The following NKAIN1 variants were observed in gnomAD, a reference collection of about 807,000 sequenced individuals.
NKAIN1 encodes sodium/potassium transporting ATPase interacting 1.
A neutral mutation model predicts 31.6 loss-of-function variants in NKAIN1; 13 were observed. That is an observed-to-expected ratio of 0.41 (90% CI 0.27 to 0.65). The LOEUF is 0.65. NKAIN1 is among the 30% of genes least tolerant of loss of function. NKAIN1 has a pLI of 0.30. For missense variants in NKAIN1, 193 were observed against 262.2 expected, an observed-to-expected ratio of 0.74 and a Z score of 1.82; for synonymous variants, 104 against 109.0, an observed-to-expected ratio of 0.95 and a Z score of 0.28.
chr1:31,201,076 C>T (rs1434929067), intron 1 of NKAIN1, among the ~76,000 whole-genome samples: 1 of 152,006 alleles, frequency 6.6e-6, no homozygotes, highest in East Asian at 1.9e-4. Flanking sequence ...GAGGCGAAGG[C>T]GGGTGGATCA....
chr1:31,201,339 C>T (rs1645377935), intron 1 of NKAIN1, among the ~76,000 whole-genome samples: 1 of 150,306 alleles, frequency 6.7e-6, no homozygotes, highest in Admixed American at 6.9e-5. Context: ...ATGCTCATGT[C>T]ACACCTTTTA....
chr1:31,212,636 C>G (rs1645479322), intron 1 of NKAIN1, among the ~76,000 whole-genome samples: 3 of 152,064 alleles, frequency 2.0e-5, no homozygotes, highest in Admixed American at 2.0e-4. Flanking sequence ...AACTCCTGAG[C>G]TCAAGCAATC....
chr1:31,200,910 T>G (rs1356891441), intron 1 of NKAIN1, among the ~76,000 whole-genome samples: 2 of 151,906 alleles, frequency 1.3e-5, no homozygotes, highest in African/African-American at 4.8e-5. Context: ...CTCAGCTCAC[T>G]GCAACCTCCG....
chr1:31,187,868 C>A (rs1270116570), intron 2 of NKAIN1, among the ~76,000 whole-genome samples, 182 bp downstream of exon 2: 1 of 151,302 alleles, frequency 6.6e-6, no homozygotes, highest in Non-Finnish European at 1.5e-5. Flanking sequence ...AAAAAAAAAA[C>A]CCTTGTCTCC....
intron 1 of NKAIN1, among the ~76,000 whole-genome samples, chr1:31,212,838 A>AT (rs1645481080): frequency 6.6e-6 from 1 of 152,026 alleles, no homozygotes; most frequent in Admixed American, 6.5e-5. Context: ...TCTACTAAAA[A>AT]TACAAAAAGT....
intron 1 of NKAIN1, among the ~76,000 whole-genome samples, chr1:31,190,218 C>T (rs1274895294): frequency 6.6e-6 from 1 of 152,172 alleles, no homozygotes; most frequent in Admixed American, 6.5e-5. Context: ...GATGGCAAGG[C>T]TTGGGCAGAG....
chr1:31,211,281 C>A (rs1352294435), intron 1 of NKAIN1, among the ~76,000 whole-genome samples: 7 of 152,172 alleles, frequency 4.6e-5, no homozygotes, highest in African/African-American at 1.7e-4. Flanking sequence ...CAAAAAACAA[C>A]TAGAGCTACT....
chr1:31,181,492 T>C lies in NKAIN1; in HGVS notation c.*211A>G. ...CCCCTCCCCCGCCCCGCCCCACTCC[T>C]CCGAAGTCCGGGCTGCGAAGAGCCA... is the stretch of plus-strand genomic sequence containing the variant. On this transcript the variant is annotated 3_prime_UTR_variant, in exon 7 of 7. Transcript: ENST00000373736. 3.2e-6 allele frequency: 1 copy of C among 315,774 alleles called. No individual in the cohort carries two copies. 19.6% of individuals were successfully genotyped at this position (315,774 alleles called of 1,614,324 possible). A position where few individuals can be genotyped will look rare whatever the true frequency, so the allele number is the denominator to read the frequency against.
intron 1 of NKAIN1, among the ~76,000 whole-genome samples, chr1:31,193,188 C>A (rs1366521010): frequency 1.3e-5 from 2 of 151,680 alleles, no homozygotes; most frequent in Non-Finnish European, 2.9e-5. Flanking sequence ...CCTGCCTCAG[C>A]CTCCCAAGTA....
At chr1:31,188,407 C>A in intron 1 of NKAIN1, 1 of 526,922 alleles carries the variant, frequency 1.9e-6, no homozygotes, top group South Asian at 2.6e-5. Context: ...GGGTTCAGAA[C>A]ACCTTCCTCC....
rs1211572307 is a variant in NKAIN1, at chr1:31,239,329, C to G, written c.54+165G>C. On this transcript the variant is annotated intron_variant, in intron 1 of 6. Transcript: ENST00000373736. This position sits in a 1 kb window ranked among gnomAD's most constrained non-coding sequence, Gnocchi z 4.8. ...GCACACAAAGAGACAGCCCGGCCAG[C>G]GGGAGCAGGCTCCGCCCGACCGCTC... Among the ~76,000 whole-genome samples, 1 of 152,036 alleles carries G rather than the reference C, an allele frequency of 6.6e-6. No individual in the cohort carries two copies. The highest frequency in any genetic ancestry group is 1.5e-5 in the Non-Finnish European group (1 of 67,994).
intron 1 of NKAIN1, among the ~76,000 whole-genome samples, chr1:31,231,415 C>T (rs1037744753): frequency 4.6e-5 from 7 of 151,076 alleles, no homozygotes; most frequent in Non-Finnish European, 8.8e-5. Flanking sequence ...CTCAAGCAGT[C>T]CACCCACCTT....
chr1:31,215,138 G>A (rs1645501244), intron 1 of NKAIN1, among the ~76,000 whole-genome samples: 1 of 152,138 alleles, frequency 6.6e-6, no homozygotes, highest in South Asian at 2.1e-4. Flanking sequence ...ATTCTCCCAG[G>A]AAGGAAATTC....
chr1:31,198,227 G>A (rs2148354011), intron 1 of NKAIN1, among the ~76,000 whole-genome samples: 1 of 152,164 alleles, frequency 6.6e-6, no homozygotes, highest in South Asian at 2.1e-4. Context: ...AGAGCAGCAG[G>A]CCCCTAACTA....
intron 1 of NKAIN1, among the ~76,000 whole-genome samples, chr1:31,218,687 T>C (rs186042145): frequency 4.3e-4 from 66 of 152,314 alleles, no homozygotes; most frequent in African/African-American, 1.5e-3. Flanking sequence ...CAGGCCTTGA[T>C]AAACTGTGCC....
At chr1:31,237,766 G>A (rs1479627248) in intron 1 of NKAIN1, among the ~76,000 whole-genome samples, 4 of 151,854 alleles carry the variant, frequency 2.6e-5, no homozygotes, top group African/African-American at 9.7e-5. Flanking sequence ...AAAGTGCTGG[G>A]GTTACAGGCA....
intron 1 of NKAIN1, among the ~76,000 whole-genome samples, chr1:31,219,282 G>T (rs1304938751): frequency 3.9e-5 from 6 of 152,238 alleles, no homozygotes; most frequent in Non-Finnish European, 8.8e-5. Context: ...TTTCTGGCTG[G>T]GGTCTCATAC....
intron 1 of NKAIN1, among the ~76,000 whole-genome samples, chr1:31,231,334 CTTTTT>C (rs34019998): frequency 2.4e-5 from 3 of 123,638 alleles, no homozygotes; most frequent in African/African-American, 9.5e-5. Context: ...CCTTATTCTA[CTTTTT>C]TTTTTTTTTT....
chr1:31,207,380 C>T (rs945527199), intron 1 of NKAIN1, among the ~76,000 whole-genome samples: 4 of 151,708 alleles, frequency 2.6e-5, no homozygotes, highest in Non-Finnish European at 5.9e-5. Flanking sequence ...GAATATGTGT[C>T]AAATGTTCAG....
Sources: allele counts gnomAD v4.1 joint callset (sites outside exome capture counted in the v4.1 genomes callset), GRCh38; gene constraint gnomAD v4.1.1; non-coding constraint Gnocchi (gnomAD v3.1); transcripts MANE v1.5; gene names NCBI Gene and HGNC (gene_info 2026-07-23, HGNC 2026-07-21).